CAMKMT: variants seen among roughly 807,000 people sequenced by gnomAD.
The protein encoded by CAMKMT is CaM KMT.
Under a neutral mutation model 48.0 loss-of-function variants are expected in CAMKMT, and 53 were observed. The observed-to-expected ratio is 1.10, with a 90% CI of 0.89 to 1.39. The LOEUF is 1.39. Ranked by LOEUF, CAMKMT falls within the 40% of genes most tolerant of loss-of-function variation. The pLI is 0.00. For missense variants in CAMKMT, 428 were observed against 402.7 expected (o/e 1.06, Z -0.54); for synonymous variants, 165 against 152.3 (o/e 1.08, Z -0.61).
chr2:44,621,198 C>T (rs985446411), intron 3 of CAMKMT, among the ~76,000 whole-genome samples: 10 of 136,426 alleles, frequency 7.3e-5, no homozygotes, highest in African/African-American at 2.7e-4. Context: ...AACCCGGAGG[C>T]GGAGCTTGCA....
At chr2:44,490,306 G>T (rs1669427158) in intron 3 of CAMKMT, among the ~76,000 whole-genome samples, 1 of 150,870 alleles carries the variant, frequency 6.6e-6, no homozygotes, top group African/African-American at 2.4e-5. Context: ...ATGGAGTTTT[G>T]CTCTCGTTGC....
chr2:44,424,533 C>A (rs768075241), intron 3 of CAMKMT, among the ~76,000 whole-genome samples: 2 of 152,160 alleles, frequency 1.3e-5, no homozygotes, highest in African/African-American at 2.4e-5. Flanking sequence ...ATAACACAAG[C>A]AGTTAGGTCA....
intron 3 of CAMKMT, among the ~76,000 whole-genome samples, chr2:44,417,837 A>G (rs1459842240): frequency 1.3e-5 from 2 of 152,208 alleles, no homozygotes; most frequent in Non-Finnish European, 2.9e-5. Flanking sequence ...TTGGTCATTC[A>G]TATATCTTCA....
chr2:44,379,307 A>G (rs1359692980), intron 2 of CAMKMT, among the ~76,000 whole-genome samples: 2 of 152,084 alleles, frequency 1.3e-5, no homozygotes, highest in Non-Finnish European at 2.9e-5. Context: ...TGTTTTTTTC[A>G]TCAGTTGATG....
chr2:44,494,840 G>C (rs934117280), intron 3 of CAMKMT, among the ~76,000 whole-genome samples: 75 of 152,150 alleles, frequency 4.9e-4, no homozygotes, highest in African/African-American at 1.6e-3. Context: ...TGCCCTTGTT[G>C]GGTTAGGTGC....
At chr2:44,478,087 T>C (rs1668780731) in intron 3 of CAMKMT, among the ~76,000 whole-genome samples, 4 of 152,236 alleles carry the variant, frequency 2.6e-5, no homozygotes, top group African/African-American at 9.6e-5. Flanking sequence ...TCTAGGAATC[T>C]GTGATTTTGT....
At chr2:44,687,977 T>G (rs1339069148) in intron 3 of CAMKMT, among the ~76,000 whole-genome samples, 1 of 152,258 alleles carries the variant, frequency 6.6e-6, no homozygotes, top group South Asian at 2.1e-4. Context: ...GCCTGTCTGC[T>G]TTTCACAACT....
intron 3 of CAMKMT, among the ~76,000 whole-genome samples, chr2:44,472,994 A>G (rs1411517798): frequency 6.6e-6 from 1 of 152,294 alleles, no homozygotes; most frequent in East Asian, 1.9e-4. Context: ...GAGAGAGGAA[A>G]GATAGTGAAG....
In CAMKMT at chr2:44,618,909, ATAAACT is replaced by A. The variant is rs1406726598; in HGVS notation, c.377-85369_377-85364del. On this transcript the variant is annotated intron_variant, in intron 3 of 10. Coordinates refer to ENST00000378494, the MANE Select transcript of CAMKMT (RefSeq NM_024766.5). This position sits in a 1 kb window ranked among gnomAD's most constrained non-coding sequence, Gnocchi z 4.0. ...GTAATTATTGATAACTTCATTTATG[ATAAACT>A]TAAAAAGCCTTTCTGACATCATGCA... 6.6e-6 allele frequency among the ~76,000 whole-genome samples: 1 copy of A among 152,172 alleles called. No homozygotes were observed. The highest frequency in any genetic ancestry group is 1.5e-5 in the Non-Finnish European group (1 of 68,030).
intron 3 of CAMKMT, among the ~76,000 whole-genome samples, chr2:44,447,179 T>G (rs1667048354): frequency 6.6e-6 from 1 of 152,204 alleles, no homozygotes; most frequent in Non-Finnish European, 1.5e-5. Context: ...GAAACTGAGG[T>G]TCCTAGTGGT....
chr2:44,718,656 G>A (rs945980688), intron 7 of CAMKMT, among the ~76,000 whole-genome samples: 1 of 152,114 alleles, frequency 6.6e-6, no homozygotes, highest in Non-Finnish European at 1.5e-5. Flanking sequence ...CGTATTTCTA[G>A]GTCTTCCAGA....
At chr2:44,448,056 C>T (rs1667099138) in intron 3 of CAMKMT, among the ~76,000 whole-genome samples, 1 of 151,914 alleles carries the variant, frequency 6.6e-6, no homozygotes. Context: ...AAGATTTATT[C>T]ACGTTGCTGC....
intron 3 of CAMKMT, among the ~76,000 whole-genome samples, chr2:44,609,428 C>T (rs1007174022): frequency 1.3e-5 from 2 of 152,110 alleles, no homozygotes; most frequent in African/African-American, 2.4e-5. Context: ...GGTGTATATA[C>T]ACAATTGTCT....
In CAMKMT at chr2:44,468,243, A is replaced by T. The variant is rs184953692; in HGVS notation, c.376+77938A>T. Among the ~76,000 whole-genome samples, 98 of 152,372 alleles carry T rather than the reference A, an allele frequency of 6.4e-4. 1 individual carries two copies. Among genetic ancestry groups the T allele is most frequent in the African/African-American group, 2.2e-3 (91 of 41,598 alleles). On this transcript the variant is annotated intron_variant, in intron 3 of 10. Coordinates refer to ENST00000378494, the MANE Select transcript of CAMKMT (RefSeq NM_024766.5). ...CATATTAAAGGCCAACAAGTATATG[A>T]AACAATGTTCCACATCACTGGTCAT...
chr2:44,601,540 G>A (rs1051819207), intron 3 of CAMKMT, among the ~76,000 whole-genome samples: 4 of 151,810 alleles, frequency 2.6e-5, no homozygotes, highest in Admixed American at 6.6e-5. Flanking sequence ...TAAAGAGGTC[G>A]CTAGTATAAT....
intron 7 of CAMKMT, among the ~76,000 whole-genome samples, chr2:44,728,592 A>G (rs1193667925): frequency 6.6e-6 from 1 of 152,120 alleles, no homozygotes; most frequent in African/African-American, 2.4e-5. Flanking sequence ...TAATTTCAGA[A>G]GTTGATGTTG....
chr2:44,409,403 G>T (rs1489632987), intron 3 of CAMKMT, among the ~76,000 whole-genome samples: 1 of 152,034 alleles, frequency 6.6e-6, no homozygotes, highest in African/African-American at 2.4e-5. Context: ...GGGGTTGTAT[G>T]ATTTACAAAT....
chr2:44,428,864 A>G lies in CAMKMT; in HGVS notation c.376+38559A>G, dbSNP rs539779236. Among the ~76,000 whole-genome samples the G allele has an allele frequency of 1.3e-3, 196 of 152,324 alleles. 1 individual carries two copies. The highest frequency in any genetic ancestry group is 4.7e-3 in the African/African-American group (194 of 41,568). On this transcript the variant is annotated intron_variant, in intron 3 of 10. Coordinates refer to ENST00000378494, the MANE Select transcript of CAMKMT (RefSeq NM_024766.5). ...CTGTTACAGACTTTCAAGGATCTCA[A>G]AGCACGGGCAGAAGGCATTTGTTTC...
chr2:44,389,945 A>T (rs1681160611), intron 2 of CAMKMT, among the ~76,000 whole-genome samples: 1 of 152,182 alleles, frequency 6.6e-6, no homozygotes, highest in South Asian at 2.1e-4. Flanking sequence ...TTTTGGCTTT[A>T]AAAAGGTTAA....
Sources: gnomAD v4.1 joint callset for allele counts (sites outside exome capture counted in the v4.1 genomes callset) on GRCh38, gnomAD v4.1.1 for gene constraint, Gnocchi (gnomAD v3.1) non-coding constraint, MANE v1.5 for transcripts, NCBI Gene and HGNC (gene_info 2026-07-23, HGNC 2026-07-21) for gene names.